Variants in RAB38 observed in about 807,000 individuals in gnomAD.
RAB38 encodes the protein RAB38, member RAS oncogene family.
Under a neutral mutation model 18.4 loss-of-function variants are expected in RAB38, and 15 were observed. The observed-to-expected ratio is 0.82, with a 90% CI of 0.55 to 1.26. The LOEUF (loss-of-function observed/expected upper bound fraction) is 1.26, where lower values mean the gene tolerates loss of function less well. RAB38 is among the 50% of genes most tolerant of loss of function. The pLI, the probability that RAB38 is intolerant of heterozygous loss-of-function variation, is 0.00. For missense variants in RAB38, 294 were observed against 267.4 expected, an observed-to-expected ratio of 1.10 and a Z score of -0.69; for synonymous variants, 101 against 104.4, an observed-to-expected ratio of 0.97 and a Z score of 0.20.
chr11:87,968,929 G>C, the RAB38 span, among the ~76,000 whole-genome samples: 2 of 152,026 alleles, frequency 1.3e-5, no homozygotes, highest in East Asian at 3.9e-4. Context: ...GTGAGGAATG[G>C]GAAATTAATT....
the RAB38 span, among the ~76,000 whole-genome samples, chr11:87,882,888 T>C: frequency 2.6e-5 from 4 of 151,896 alleles, no homozygotes; most frequent in Non-Finnish European, 5.9e-5. Flanking sequence ...AAAAATAAGT[T>C]TGGCTGAGAT....
the RAB38 span, among the ~76,000 whole-genome samples, chr11:87,929,153 A>G: frequency 3.6e-4 from 54 of 152,040 alleles, no homozygotes; most frequent in African/African-American, 1.3e-3. Flanking sequence ...CTTCATCCCT[A>G]TTCATTCAAG....
the RAB38 span, among the ~76,000 whole-genome samples, chr11:88,036,661 CAT>C: frequency 3.3e-5 from 5 of 152,064 alleles, no homozygotes; most frequent in East Asian, 5.8e-4. Flanking sequence ...TATCAATCAA[CAT>C]AGAGGTAGGG....
the RAB38 span, among the ~76,000 whole-genome samples, chr11:87,891,882 C>A: frequency 2.2e-4 from 33 of 151,740 alleles, no homozygotes; most frequent in African/African-American, 8.0e-4. Context: ...CATTTAGTTT[C>A]TCTTTTGTTT....
the RAB38 span, among the ~76,000 whole-genome samples, chr11:87,976,445 A>G: frequency 7.4e-6 from 1 of 135,744 alleles, no homozygotes; most frequent in Non-Finnish European, 1.5e-5. Flanking sequence ...TATATTTTTT[A>G]TATTTATAAA....
At chr11:87,976,617 TGATATATA>T in the RAB38 span, among the ~76,000 whole-genome samples, 219 of 109,778 alleles carry the variant, frequency 2.0e-3, 3 homozygotes, top group South Asian at 3.0e-3. Flanking sequence ...ATATTTTACA[TGATATATA>T]AATATATATG....
At chr11:88,152,569 T>C (rs1397845847) in intron 1 of RAB38, among the ~76,000 whole-genome samples, 1 of 152,130 alleles carries the variant, frequency 6.6e-6, no homozygotes, top group Non-Finnish European at 1.5e-5. Context: ...TTTATATTTT[T>C]GGCATTCCAG....
the RAB38 span, among the ~76,000 whole-genome samples, chr11:87,901,130 A>C: frequency 6.6e-6 from 1 of 151,658 alleles, no homozygotes; most frequent in African/African-American, 2.4e-5. Context: ...AGTGATGTTA[A>C]AATTATAGAT....
the RAB38 span, among the ~76,000 whole-genome samples, chr11:88,021,561 A>AT: frequency 4.7e-3 from 670 of 141,510 alleles, 1 homozygote; most frequent in Non-Finnish European, 7.8e-3. Context: ...ATAGAGAAAG[A>AT]TAATTTATTT....
At chr11:87,858,669 G>T in the RAB38 span, among the ~76,000 whole-genome samples, 1 of 151,886 alleles carries the variant, frequency 6.6e-6, no homozygotes, top group African/African-American at 2.4e-5. Flanking sequence ...ATTTAATTTT[G>T]GGAAGACGCA....
At chr11:87,947,170 T>C in the RAB38 span, among the ~76,000 whole-genome samples, 1 of 152,188 alleles carries the variant, frequency 6.6e-6, no homozygotes, top group African/African-American at 2.4e-5. Context: ...CATGTGTTTT[T>C]TGGCTGCATA....
the RAB38 span, among the ~76,000 whole-genome samples, chr11:87,975,004 T>A: frequency 6.6e-6 from 1 of 151,988 alleles, no homozygotes; most frequent in East Asian, 1.9e-4. Flanking sequence ...TTGGAGGGAA[T>A]AATGGAAAAG....
At chr11:87,831,476 G>A in the RAB38 span, among the ~76,000 whole-genome samples, 1 of 152,302 alleles carries the variant, frequency 6.6e-6, no homozygotes, top group African/African-American at 2.4e-5. Flanking sequence ...GCTAAGAAAG[G>A]CTTTGTGAAA....
chr11:88,076,969 AAAAAAAG>A, the RAB38 span, among the ~76,000 whole-genome samples: 688 of 112,584 alleles, frequency 6.1e-3, 33 homozygotes, highest in Middle Eastern at 0.022. Flanking sequence ...AAAAAAAAAA[AAAAAAAG>A]AAAGAAAGAA....
the RAB38 span, chr11:87,817,619 A>G: frequency 3.0e-4 from 46 of 152,312 alleles, no homozygotes; most frequent in African/African-American, 1.1e-3. Context: ...TAGGATAAAT[A>G]AAGCCTTTAA....
At chr11:87,860,415 T>C in the RAB38 span, among the ~76,000 whole-genome samples, 1 of 152,024 alleles carries the variant, frequency 6.6e-6, no homozygotes, top group Admixed American at 6.6e-5. Context: ...TTATATGCAA[T>C]GTATACAAAG....
the RAB38 span, among the ~76,000 whole-genome samples, chr11:87,823,386 ATT>A: frequency 1.6e-4 from 23 of 147,334 alleles, no homozygotes; most frequent in Middle Eastern, 3.6e-3. Flanking sequence ...AAATCCCAGC[ATT>A]TTTTTTTTTT....
At chr11:88,036,631 G>A in the RAB38 span, among the ~76,000 whole-genome samples, 3 of 151,876 alleles carry the variant, frequency 2.0e-5, no homozygotes, top group Non-Finnish European at 4.4e-5. Context: ...CTCAGATTAA[G>A]TTTTTCTATA....
the RAB38 span, among the ~76,000 whole-genome samples, chr11:87,868,607 G>A: frequency 8.5e-3 from 176 of 20,718 alleles, 4 homozygotes; most frequent in South Asian, 0.045. Context: ...GAGAGAGAGA[G>A]AGAGAGAGAG....
Sources: gnomAD v4.1 joint callset for allele counts (sites outside exome capture counted in the v4.1 genomes callset) on GRCh38, gnomAD v4.1.1 for gene constraint, MANE v1.5 for transcripts, NCBI Gene and HGNC (gene_info 2026-07-23, HGNC 2026-07-21) for gene names.